RHPN2: variants seen among roughly 807,000 people sequenced by gnomAD.
RHPN2 encodes the protein rhophilin-2.
Under a neutral mutation model 79.0 loss-of-function variants are expected in RHPN2, and 40 were observed. The ratio of observed to expected loss-of-function variants is 0.51; its 90% CI spans 0.39 to 0.66. RHPN2 has a LOEUF of 0.66. Among genes scored for constraint, RHPN2 ranks in the 30% least tolerant of loss-of-function variants. The probability of loss-of-function intolerance (pLI) is 0.00; values close to 1 mark genes in which losing one functional copy is unlikely to be tolerated. For synonymous variants in RHPN2, 285 were observed against 363.5 expected (o/e 0.78, Z 2.46); for missense variants, 686 against 883.5 (o/e 0.78, Z 2.83).
chr19:32,989,455 A>C (rs1971637584), intron 14 of RHPN2, among the ~76,000 whole-genome samples: 1 of 152,154 alleles, frequency 6.6e-6, no homozygotes, highest in African/African-American at 2.4e-5. Context: ...GAACTTGAAG[A>C]CACTCAAATG....
At chr19:33,052,809 C>T (rs1486362782) in intron 1 of RHPN2, among the ~76,000 whole-genome samples, 2 of 152,080 alleles carry the variant, frequency 1.3e-5, no homozygotes, top group Non-Finnish European at 2.9e-5. Flanking sequence ...AGGGCCCAGC[C>T]GCCTCCCCCG....
intron 4 of RHPN2, among the ~76,000 whole-genome samples, chr19:33,019,869 C>T (rs377572374): frequency 3.3e-5 from 5 of 152,140 alleles, no homozygotes; most frequent in South Asian, 2.1e-4. Flanking sequence ...GGCTGCATGG[C>T]GCAAACTTGG....
At chr19:33,026,657 A>G in intron 2 of RHPN2, 25 bp from the exon 3 acceptor site, 1 of 1,599,520 alleles carries the variant, frequency 6.3e-7, no homozygotes, top group Non-Finnish European at 8.5e-7. Context: ...GAGGGAGAGA[A>G]GTGCCCTCAG....
At chr19:32,992,588 C>T (rs1234340516) in intron 12 of RHPN2, among the ~76,000 whole-genome samples, 1 of 152,206 alleles carries the variant, frequency 6.6e-6, no homozygotes, top group African/African-American at 2.4e-5. Context: ...GCAGAAGGAT[C>T]GCTCGAGGCC....
Position 33,000,028 on chromosome 19 carries a change from G to A in RHPN2, c.1106-323C>T, listed in dbSNP as rs180760794. On this transcript the variant is annotated intron_variant, in intron 9 of 14. Transcript: ENST00000254260. Reference sequence around the variant, plus strand: ...GGACTACAGACATGCACCACCACATGCCAGGCTAATTTTTAAATTTTTTTG... The same window carrying A: ...GGACTACAGACATGCACCACCACATACCAGGCTAATTTTTAAATTTTTTTG... Among the ~76,000 whole-genome samples, 195 of 152,116 alleles carry A rather than the reference G, an allele frequency of 1.3e-3. 2 individuals are homozygous for A. The highest frequency in any genetic ancestry group is 4.4e-3 in the African/African-American group (182 of 41,506).
At chr19:33,024,548 C>G (rs1002733097) in intron 3 of RHPN2, among the ~76,000 whole-genome samples, 1 of 152,146 alleles carries the variant, frequency 6.6e-6, no homozygotes, top group African/African-American at 2.4e-5. Context: ...CGCCTCCCCT[C>G]CAGCTCTGAA....
intron 7 of RHPN2, among the ~76,000 whole-genome samples, chr19:33,005,563 C>T (rs1463046881): frequency 7.0e-6 from 1 of 142,460 alleles, no homozygotes; most frequent in Admixed American, 7.4e-5. Context: ...TAGAATCTCT[C>T]ATATGAATCC....
chr19:32,998,701 GGAGA>G (rs3991890), intron 10 of RHPN2, among the ~76,000 whole-genome samples: 4 of 140,142 alleles, frequency 2.9e-5, no homozygotes, highest in Non-Finnish European at 6.1e-5. Context: ...TAGATGGGGA[GGAGA>G]GAGAGAGAAA....
chr19:33,042,201 A>AG (rs35435016), intron 2 of RHPN2, among the ~76,000 whole-genome samples: 1 of 113,840 alleles, frequency 8.8e-6, no homozygotes, highest in Non-Finnish European at 1.8e-5. Context: ...AAAAAAAAAA[A>AG]AAGGTGCTCA....
chr19:33,044,114 A>C, intron 2 of RHPN2, 135 bp downstream of exon 2: 1 of 720,192 alleles, frequency 1.4e-6, no homozygotes, highest in Non-Finnish European at 2.6e-6. Context: ...TAACCAAGCT[A>C]TAGGCAAGAA....
chr19:33,010,314 T>C (rs1262469100), intron 6 of RHPN2, among the ~76,000 whole-genome samples: 1 of 151,884 alleles, frequency 6.6e-6, no homozygotes, highest in Non-Finnish European at 1.5e-5. Flanking sequence ...GGATGTGTTC[T>C]CCTTTCACTG....
intron 2 of RHPN2, 69 bp from the exon 3 acceptor site, chr19:33,026,701 A>G: frequency 1.7e-5 from 27 of 1,550,066 alleles, no homozygotes; most frequent in Non-Finnish European, 2.4e-5. Context: ...AGCAGACCCA[A>G]TCCCCAGTCC....
At chr19:33,054,419 C>T (rs1187673952) in intron 1 of RHPN2, among the ~76,000 whole-genome samples, 12 of 151,302 alleles carry the variant, frequency 7.9e-5, no homozygotes, top group Admixed American at 4.6e-4. Flanking sequence ...AGGCTGGTCT[C>T]GAACTCCTGA....
At chr19:33,064,670 TC>T in intron 1 of RHPN2, 113 bp downstream of exon 1, 1 of 735,910 alleles carries the variant, frequency 1.4e-6, no homozygotes, top group Non-Finnish European at 1.8e-6. Context: ...GTGCGCCCCC[TC>T]CCCCTCCCGG....
chr19:33,026,669 C>T (rs1463187967), intron 2 of RHPN2, 37 bp from the exon 3 acceptor site: 1 of 1,594,792 alleles, frequency 6.3e-7, no homozygotes, highest in East Asian at 2.3e-5. Flanking sequence ...TGCCCTCAGC[C>T]AGGTATCCTG....
At chr19:33,009,886 C>T (rs1388181768) in intron 6 of RHPN2, among the ~76,000 whole-genome samples, 1 of 152,158 alleles carries the variant, frequency 6.6e-6, no homozygotes, top group Non-Finnish European at 1.5e-5. Context: ...TCAAGTAATT[C>T]TCCTGCCTCA....
At chr19:33,036,340 A>G (rs927091332) in intron 2 of RHPN2, among the ~76,000 whole-genome samples, 5 of 151,928 alleles carry the variant, frequency 3.3e-5, no homozygotes, top group African/African-American at 1.2e-4. Flanking sequence ...TCTCTACAGA[A>G]AATTTGAAAA....
intron 1 of RHPN2, among the ~76,000 whole-genome samples, chr19:33,062,255 G>A (rs1972286159): frequency 6.6e-6 from 1 of 152,136 alleles, no homozygotes; most frequent in African/African-American, 2.4e-5. Context: ...GAGGTCAGGA[G>A]TTCAAGACCA....
chr19:33,026,025 T>C (rs1485149198), intron 3 of RHPN2, among the ~76,000 whole-genome samples: 2 of 149,326 alleles, frequency 1.3e-5, no homozygotes, highest in Non-Finnish European at 1.5e-5. Flanking sequence ...AGAGTCTTGC[T>C]CTGTCAGCCG....
Sources: allele counts gnomAD v4.1 joint callset (sites outside exome capture counted in the v4.1 genomes callset), GRCh38; gene constraint gnomAD v4.1.1; transcripts MANE v1.5; gene names NCBI Gene and HGNC (gene_info 2026-07-23, HGNC 2026-07-21).